Variants in COPG2 observed in about 807,000 individuals in gnomAD.
COPG2 encodes coatomer subunit gamma-2.
Under a neutral mutation model 46.3 loss-of-function variants are expected in COPG2, and 37 were observed. That is an observed-to-expected ratio of 0.80 (90% CI 0.61 to 1.05). The LOEUF is 1.05. Among genes scored for constraint, COPG2 ranks in the 50% least tolerant of loss-of-function variants. The pLI is 0.00. For missense variants in COPG2, 427 were observed against 387.8 expected, an observed-to-expected ratio of 1.10 and a Z score of -0.85; for synonymous variants, 159 against 129.7, an observed-to-expected ratio of 1.23 and a Z score of -1.53.
At chr7:130,510,588 G>T (rs1363415765) in intron 20 of COPG2, among the ~76,000 whole-genome samples, 5 of 152,198 alleles carry the variant, frequency 3.3e-5, no homozygotes, top group African/African-American at 1.2e-4. Context: ...GCAGATCACA[G>T]ACTGGGCACA....
At chr7:130,601,866 AGAAGGAAGGAAGGAAGCAAAGAAG>A (rs1794638693) in intron 9 of COPG2, among the ~76,000 whole-genome samples, 1 of 148,232 alleles carries the variant, frequency 6.7e-6, no homozygotes, top group South Asian at 2.2e-4. Context: ...AAGGAAGCAA[AGAAGGAAGGAAGGAAGCAAAGAAG>A]GAAGGAAGGA....
chr7:130,641,602 A>G (rs1268506924), intron 5 of COPG2, among the ~76,000 whole-genome samples: 1 of 152,232 alleles, frequency 6.6e-6, no homozygotes, highest in Admixed American at 6.5e-5. Flanking sequence ...TTTTAAAATT[A>G]ACTAAGTAAG....
At chr7:130,525,823 A>C (rs892968820) in intron 20 of COPG2, among the ~76,000 whole-genome samples, 8 of 152,228 alleles carry the variant, frequency 5.3e-5, no homozygotes, top group Non-Finnish European at 1.0e-4. Flanking sequence ...GACTTCATTT[A>C]TGGAAAACTT....
chr7:130,633,554 A>G (rs1461479769), intron 5 of COPG2, among the ~76,000 whole-genome samples: 2 of 152,022 alleles, frequency 1.3e-5, no homozygotes, highest in Non-Finnish European at 1.5e-5. Context: ...CATATCCTTC[A>G]CCCACTTTTT....
At chr7:130,643,812 C>T (rs1199541321) in intron 5 of COPG2, among the ~76,000 whole-genome samples, 2 of 152,034 alleles carry the variant, frequency 1.3e-5, no homozygotes, top group African/African-American at 4.8e-5. Context: ...AAAAAACACA[C>T]ACACAAATTA....
chr7:130,623,576 G>A (rs1795071614), intron 5 of COPG2, among the ~76,000 whole-genome samples: 1 of 152,098 alleles, frequency 6.6e-6, no homozygotes, highest in African/African-American at 2.4e-5. Flanking sequence ...TTTTCCACGT[G>A]AACTTTAGTA....
chr7:130,605,158 T>A (rs782293655), intron 9 of COPG2: 1 of 517,844 alleles, frequency 1.9e-6, no homozygotes, highest in Non-Finnish European at 3.9e-6. Flanking sequence ...CTGTTTTCTC[T>A]CTGTTCTTCA....
chr7:130,530,800 G>C (rs907658868), intron 20 of COPG2, among the ~76,000 whole-genome samples: 19 of 151,896 alleles, frequency 1.3e-4, no homozygotes, highest in Non-Finnish European at 2.9e-5. Context: ...GAAGGATGGA[G>C]GGCAGAAAGA....
chr7:130,533,020 T>C (rs905922322), intron 20 of COPG2, among the ~76,000 whole-genome samples: 3 of 151,882 alleles, frequency 2.0e-5, no homozygotes, highest in African/African-American at 7.2e-5. Context: ...AGCTGGGAGC[T>C]TGGAGAGCAG....
At chr7:130,638,298 G>A (rs979492913) in intron 5 of COPG2, among the ~76,000 whole-genome samples, 4 of 152,144 alleles carry the variant, frequency 2.6e-5, no homozygotes, top group East Asian at 1.9e-4. Flanking sequence ...AGGCAGGAAC[G>A]TTCAAGTCTA....
At chr7:130,583,095 C>T (rs1554447454) in intron 9 of COPG2, among the ~76,000 whole-genome samples, 1 of 151,046 alleles carries the variant, frequency 6.6e-6, no homozygotes, top group Admixed American at 6.6e-5. Context: ...TTGGAACCAA[C>T]CCAAATGTCC....
chr7:130,612,476 T>G (rs1794870043), intron 7 of COPG2, among the ~76,000 whole-genome samples: 1 of 152,010 alleles, frequency 6.6e-6, no homozygotes, highest in African/African-American at 2.4e-5. Flanking sequence ...TAAAAGGAAG[T>G]AATGAAAGAG....
chr7:130,563,553 G>A (rs1267479488), intron 10 of COPG2, among the ~76,000 whole-genome samples: 5 of 151,290 alleles, frequency 3.3e-5, no homozygotes, highest in African/African-American at 1.2e-4. Flanking sequence ...TTCAAAATAT[G>A]CATACATTTT....
chr7:130,598,943 A>G (rs1794581652), intron 9 of COPG2, among the ~76,000 whole-genome samples: 1 of 152,148 alleles, frequency 6.6e-6, no homozygotes. Flanking sequence ...TTGTAAAGTT[A>G]TGTCTTCTAG....
chr7:130,603,788 C>G (rs781990364), intron 9 of COPG2: 1 of 511,558 alleles, frequency 2.0e-6, no homozygotes, highest in Admixed American at 2.0e-5. Context: ...GCATCTTGTA[C>G]AGTTGATCCT....
At chr7:130,603,447 T>C (rs1265765795) in intron 9 of COPG2, among the ~76,000 whole-genome samples, 4 of 152,158 alleles carry the variant, frequency 2.6e-5, no homozygotes, top group Non-Finnish European at 5.9e-5. Context: ...AATTTGGGCA[T>C]GGTGGCTCAT....
At chr7:130,563,086 T>C (rs1793742611) in intron 11 of COPG2, among the ~76,000 whole-genome samples, 183 bp downstream of exon 11, 1 of 152,256 alleles carries the variant, frequency 6.6e-6, no homozygotes, top group Non-Finnish European at 1.5e-5. Flanking sequence ...AAATGAGTTA[T>C]AATCTTCAGC....
intron 20 of COPG2, chr7:130,510,103 G>A: frequency 1.9e-6 from 1 of 520,148 alleles, no homozygotes; most frequent in South Asian, 1.4e-5. Context: ...AGCTGAGGCA[G>A]TCAAGAGATT....
chr7:130,619,325 G>C (rs782817598), intron 5 of COPG2, among the ~76,000 whole-genome samples: 4 of 152,078 alleles, frequency 2.6e-5, no homozygotes, highest in Non-Finnish European at 5.9e-5. Context: ...TATCTTATTG[G>C]ACAATACAGA....
Sources: gnomAD v4.1 joint callset for allele counts (sites outside exome capture counted in the v4.1 genomes callset) on GRCh38, gnomAD v4.1.1 for gene constraint, MANE v1.5 for transcripts, NCBI Gene and HGNC (gene_info 2026-07-23, HGNC 2026-07-21) for gene names.